The following TRIO variants were observed in gnomAD, a reference collection of about 807,000 sequenced individuals.
The protein encoded by TRIO is trio Rho guanine nucleotide exchange factor.
TRIO carries 58 observed loss-of-function variants against 351.9 expected under a neutral mutation model. The observed-to-expected ratio is 0.16, with a 90% CI of 0.13 to 0.21. The LOEUF is 0.21. TRIO is among the 10% of genes least tolerant of loss of function. The pLI is 1.00. For missense variants in TRIO, 3,201 were observed against 4,027.8 expected (o/e 0.79, Z 5.56); for synonymous variants, 1,758 against 1,595.7 (o/e 1.10, Z -2.42).
intron 1 of TRIO, among the ~76,000 whole-genome samples, chr5:14,269,562 C>G (rs1286085100): frequency 1.3e-5 from 2 of 152,194 alleles, no homozygotes; most frequent in African/African-American, 4.8e-5. Flanking sequence ...TAGATGGGGC[C>G]CTGCCCTCAG....
At chr5:14,348,806 G>A (rs1398061562) in intron 11 of TRIO, among the ~76,000 whole-genome samples, 2 of 150,578 alleles carry the variant, frequency 1.3e-5, no homozygotes, top group Non-Finnish European at 3.0e-5. Context: ...ACGCACGTGA[G>A]CATGTGTTTT....
chr5:14,355,382 G>A (rs1473291631), intron 11 of TRIO, among the ~76,000 whole-genome samples: 3 of 152,144 alleles, frequency 2.0e-5, no homozygotes, highest in South Asian at 2.1e-4. Flanking sequence ...TGTCCAGAGC[G>A]TTGCTGTTGA....
intron 9 of TRIO, among the ~76,000 whole-genome samples, chr5:14,326,108 T>C (rs1740359426): frequency 6.6e-6 from 1 of 152,094 alleles, no homozygotes; most frequent in African/African-American, 2.4e-5. Flanking sequence ...TCCCATAAAG[T>C]CACAGAGGGC....
intron 55 of TRIO, 148 bp downstream of exon 55, chr5:14,504,741 G>A: frequency 1.0e-6 from 1 of 992,852 alleles, no homozygotes; most frequent in South Asian, 1.6e-5. Flanking sequence ...AGAGCCCGCA[G>A]TTTTCAAGCC....
At chr5:14,222,975 G>A (rs746860147) in intron 1 of TRIO, among the ~76,000 whole-genome samples, 1 of 152,200 alleles carries the variant, frequency 6.6e-6, no homozygotes, top group Non-Finnish European at 1.5e-5. Context: ...AAATAAATAG[G>A]ATTGTTGAAA....
intron 41 of TRIO, among the ~76,000 whole-genome samples, chr5:14,478,587 A>G (rs1390837542): frequency 6.6e-6 from 1 of 152,114 alleles, no homozygotes; most frequent in Non-Finnish European, 1.5e-5. Flanking sequence ...CTTCTCTACT[A>G]AAACCAACCA....
intron 2 of TRIO, among the ~76,000 whole-genome samples, chr5:14,273,988 A>G (rs1003675490): frequency 5.3e-5 from 8 of 152,192 alleles, no homozygotes; most frequent in Non-Finnish European, 8.8e-5. Flanking sequence ...ACTCTGGATA[A>G]TTTTGAAGTA....
chr5:14,445,907 G>A (rs1030158240), intron 34 of TRIO, among the ~76,000 whole-genome samples: 2 of 152,178 alleles, frequency 1.3e-5, no homozygotes, highest in Non-Finnish European at 2.9e-5. Flanking sequence ...AAGAAAGACA[G>A]CACAGTGCCC....
intron 1 of TRIO, among the ~76,000 whole-genome samples, chr5:14,183,171 C>T (rs1263424753): frequency 1.3e-5 from 2 of 152,056 alleles, no homozygotes; most frequent in Non-Finnish European, 2.9e-5. Flanking sequence ...AGGTTTGTTC[C>T]CGGTGGCCTG....
rs1222501272 is a variant in TRIO, at chr5:14,492,506, G to A, written c.7633-61G>A. The A allele has an allele frequency of 2.5e-6, 4 of 1,584,648 alleles. No individual in the cohort carries two copies. The African/African-American group carries it at 4.0e-5, about 16-fold the overall frequency. ...GGGGCACACTGACAAGGGATTTCAT[G>A]TGATCAGGTCTCGTTTCAGTTCCTC... On this transcript the variant is annotated intron_variant, in intron 48 of 56. Coordinates refer to ENST00000344204, the MANE Select transcript of TRIO (RefSeq NM_007118.4).
intron 5 of TRIO, among the ~76,000 whole-genome samples, chr5:14,291,788 TAAAAAAAA>T (rs57424190): frequency 2.0e-4 from 20 of 100,956 alleles, no homozygotes; most frequent in South Asian, 7.3e-4. Context: ...GACTCCGTCT[TAAAAAAAA>T]AAAAAAAAAA....
chr5:14,207,047 TAGATA>T (rs1288815877), intron 1 of TRIO, among the ~76,000 whole-genome samples: 3 of 152,314 alleles, frequency 2.0e-5, no homozygotes, highest in Non-Finnish European at 2.9e-5. Flanking sequence ...AAAGATTTGT[TAGATA>T]AGATACAGAA....
At chr5:14,398,542 G>A (rs1462575208) in intron 29 of TRIO, among the ~76,000 whole-genome samples, 1 of 152,194 alleles carries the variant, frequency 6.6e-6, no homozygotes, top group Admixed American at 6.5e-5. Context: ...GCTTTCGGTG[G>A]TGGGATGCTG....
chr5:14,347,715 G>A (rs74908965), intron 11 of TRIO, among the ~76,000 whole-genome samples: 1,711 of 152,344 alleles, frequency 0.011, 22 homozygotes, highest in African/African-American at 0.039. Flanking sequence ...AGTGGATGAC[G>A]TCAGCAGTGC....
At chr5:14,268,804 C>A (rs1795833878) in intron 1 of TRIO, among the ~76,000 whole-genome samples, 1 of 152,170 alleles carries the variant, frequency 6.6e-6, no homozygotes. Flanking sequence ...CGCTGGGGAG[C>A]CTTAGTCCTC....
intron 1 of TRIO, among the ~76,000 whole-genome samples, chr5:14,147,959 C>T (rs1787612506): frequency 6.6e-6 from 1 of 152,156 alleles, no homozygotes; most frequent in African/African-American, 2.4e-5. Flanking sequence ...TTAGGTGGCA[C>T]AGTCAGTTTT....
Position 14,147,518 on chromosome 5 carries a change from T to C in TRIO, c.157+3636T>C, listed in dbSNP as rs188810117. The stretch of plus-strand genomic sequence containing the variant: ...TTTAACCTGCCTGGCACGCTTTAGG[T>C]TGGCGTTAAATGAATATCTGGAGAA... On this transcript the variant is annotated intron_variant, in intron 1 of 56. Transcript: ENST00000344204. Among the ~76,000 whole-genome samples the C allele has an allele frequency of 2.4e-4, 36 of 152,306 alleles. No individual in the cohort carries two copies. In the East Asian group the frequency reaches 5.8e-3, roughly 24 times the overall value.
chr5:14,271,301 T>G (rs76837016), intron 2 of TRIO, among the ~76,000 whole-genome samples: 9,447 of 152,218 alleles, frequency 0.062, 378 homozygotes, highest in Non-Finnish European at 0.079. Context: ...TCTGTTGCCT[T>G]GTCTTTTGGG....
In TRIO at chr5:14,481,575, G is replaced by T. The variant is rs147335955; in HGVS notation, c.6422G>T (p.Arg2141Leu). The stretch of plus-strand genomic sequence containing the variant: ...GAAGTCATGTGCATAGTACCCAGGC[G>T]GTGCAACGACATGATGAACGTGGGG... ...AVEVMCIVPR[R>L]CNDMMNVGRL... The change falls in exon 45 of 57, where the codon CGG becomes CTG. Residue 2141 changes from arginine (R) to leucine (L), a missense_variant. Physicochemically the swap from Arg to Leu is moderately radical, Grantham distance 102. Around this residue, in one of 19 missense-constraint regions of TRIO, gnomAD observed 307 missense variants for 396.5 expected, o/e 0.77. Transcript: ENST00000344204. 1 of 1,614,018 alleles carries T rather than the reference G, an allele frequency of 6.2e-7. No individual in the cohort carries two copies. The highest frequency in any genetic ancestry group is 2.2e-5 in the East Asian group (1 of 44,876).
Sources: allele counts gnomAD v4.1 joint callset (sites outside exome capture counted in the v4.1 genomes callset), GRCh38; gene constraint gnomAD v4.1.1; regional missense constraint gnomAD v4.1.1; transcripts MANE v1.5; gene names NCBI Gene and HGNC (gene_info 2026-07-23, HGNC 2026-07-21).